ANO3: variants seen among roughly 807,000 people sequenced by gnomAD.
ANO3 encodes the protein anoctamin-3.
A neutral mutation model predicts 144.8 loss-of-function variants in ANO3; 99 were observed. That is an observed-to-expected ratio of 0.68 (90% CI 0.58 to 0.81). ANO3 has a LOEUF of 0.81. Among genes scored for constraint, ANO3 ranks in the 30% least tolerant of loss-of-function variants. ANO3 has a pLI of 0.00. For missense variants in ANO3, 905 were observed against 1,202.2 expected (o/e 0.75, Z 3.66); for synonymous variants, 414 against 392.6 (o/e 1.05, Z -0.64).
At chr11:26,562,543 A>T (rs376256) in intron 14 of ANO3, among the ~76,000 whole-genome samples, 111,341 of 151,758 alleles carry the variant, frequency 0.73, 41,110 homozygotes, top group Admixed American at 0.8. Context: ...CATATTTCTC[A>T]TTCATAGATA....
chr11:26,589,413 C>CT (rs11423756), intron 14 of ANO3, among the ~76,000 whole-genome samples: 38,939 of 137,520 alleles, frequency 0.28, 5,229 homozygotes, highest in East Asian at 0.36. Context: ...CCCCAATTTT[C>CT]TTTTTTTTTT....
At chr11:26,231,759 G>A (rs61877703) in intron 1 of ANO3, among the ~76,000 whole-genome samples, 119 of 152,312 alleles carry the variant, frequency 7.8e-4, no homozygotes, top group Non-Finnish European at 1.5e-3. Flanking sequence ...CAAGGAATGC[G>A]TCTACGAATG....
chr11:26,295,617 A>C (rs1854071789), intron 1 of ANO3, among the ~76,000 whole-genome samples: 1 of 152,142 alleles, frequency 6.6e-6, no homozygotes, highest in Non-Finnish European at 1.5e-5. Flanking sequence ...GTAGCCAAAA[A>C]AGTTATTAAT....
chr11:26,464,416 G>A (rs1859525013), intron 4 of ANO3, among the ~76,000 whole-genome samples: 1 of 151,782 alleles, frequency 6.6e-6, no homozygotes, highest in African/African-American at 2.4e-5. Context: ...AAATTAAGAT[G>A]TTGTTTCTTA....
intron 12 of ANO3, among the ~76,000 whole-genome samples, chr11:26,552,799 G>A (rs1849968933): frequency 6.6e-6 from 1 of 152,034 alleles, no homozygotes; most frequent in South Asian, 2.1e-4. Flanking sequence ...TGAACATTCT[G>A]CACCAACAAT....
In ANO3 at chr11:26,508,122, G is replaced by A; in HGVS notation, c.451G>A (p.Ala151Thr). The part of the protein sequence containing the change: ...KLSKNDMNYI[A>T]SSGPLFKDGK... The stretch of plus-strand genomic sequence containing the variant: ...TTTGCAGAATGACATGAATTACATA[G>A]CATCCAGTGGACCTCTGTTCAAAGA... Residue 151 changes from alanine (A) to threonine (T), a missense_variant, in exon 5 of 27, where the codon GCA becomes ACA. Transcript: ENST00000256737. 6.3e-7 allele frequency: 1 copy of A among 1,587,306 alleles called. No homozygotes were observed. The highest frequency in any genetic ancestry group is 8.5e-7 in the Non-Finnish European group (1 of 1,171,300).
chr11:26,228,898 A>G (rs142845592), intron 1 of ANO3, among the ~76,000 whole-genome samples: 2 of 152,300 alleles, frequency 1.3e-5, no homozygotes, highest in Non-Finnish European at 2.9e-5. Context: ...AAATTGTCAA[A>G]CTTGGTTGGT....
At chr11:26,476,436 G>A (rs1156341944) in intron 4 of ANO3, among the ~76,000 whole-genome samples, 10 of 151,966 alleles carry the variant, frequency 6.6e-5, no homozygotes, top group African/African-American at 2.2e-4. Context: ...GCCCTGGTGT[G>A]GAAAGTATCC....
At position 26,366,914 on chromosome 11, in the gene ANO3, G is replaced by C. The variant is rs1297457818; in HGVS notation, c.46+34593G>C. Among the ~76,000 whole-genome samples the C allele has an allele frequency of 4.6e-5, 7 of 151,956 alleles. No homozygotes were observed. In the East Asian group the frequency reaches 1.2e-3, roughly 25 times the overall value. ...GATGAGTAGGTTGCAAAAATTTATA[G>C]ACCAATGGAACAGAACAGAGCCCTC... On this transcript the variant is annotated intron_variant, in intron 1 of 26. Transcript: ENST00000256737.
At chr11:26,462,580 TCA>T in intron 3 of ANO3, among the ~76,000 whole-genome samples, 1 of 151,962 alleles carries the variant, frequency 6.6e-6, no homozygotes, top group Non-Finnish European at 1.5e-5. Flanking sequence ...CTACTATTTC[TCA>T]GACTTTTTGC....
chr11:26,461,058 T>C (rs1469531375), intron 3 of ANO3, among the ~76,000 whole-genome samples: 1 of 151,324 alleles, frequency 6.6e-6, no homozygotes, highest in Non-Finnish European at 1.5e-5. Context: ...TAATAACCAA[T>C]GGTGAAAATG....
At chr11:26,279,446 A>T (rs1312050855) in intron 1 of ANO3, among the ~76,000 whole-genome samples, 1 of 152,212 alleles carries the variant, frequency 6.6e-6, no homozygotes, top group Admixed American at 6.6e-5. Context: ...CATGTATATG[A>T]AAAAGATTTC....
intron 17 of ANO3, among the ~76,000 whole-genome samples, chr11:26,615,568 T>G (rs1852234714): frequency 6.6e-6 from 1 of 151,986 alleles, no homozygotes; most frequent in South Asian, 2.1e-4. Flanking sequence ...ATGAGGGACA[T>G]AAAAATAACA....
intron 1 of ANO3, among the ~76,000 whole-genome samples, chr11:26,202,503 T>A (rs1851716597): frequency 6.6e-6 from 1 of 151,436 alleles, no homozygotes; most frequent in South Asian, 2.1e-4. Context: ...TATAGTAAAT[T>A]TGTGAATGAT....
intron 1 of ANO3, among the ~76,000 whole-genome samples, chr11:26,404,382 T>A (rs1857224047): frequency 6.6e-6 from 1 of 151,836 alleles, no homozygotes; most frequent in Non-Finnish European, 1.5e-5. Context: ...ATTCACAAAG[T>A]CTAATCACTT....
intron 17 of ANO3, among the ~76,000 whole-genome samples, chr11:26,618,739 C>G (rs996504303): frequency 6.6e-6 from 1 of 152,134 alleles, no homozygotes; most frequent in Non-Finnish European, 1.5e-5. Flanking sequence ...TTGCTTGTCC[C>G]CCAGGGAACT....
Position 26,405,071 on chromosome 11 carries a change from T to C in ANO3, c.47-36847T>C, listed in dbSNP as rs1857245905. On this transcript the variant is annotated intron_variant, in intron 1 of 26. Coordinates refer to ENST00000256737, the MANE Select transcript of ANO3 (RefSeq NM_031418.4). ...TTATATGGTACTGCCTAATAAATAG[T>C]GTTTGCCTCACAATAGCCATTTAAA... Among the ~76,000 whole-genome samples, 3 of 151,614 alleles carry C rather than the reference T, an allele frequency of 2.0e-5. No individual in the cohort carries two copies. The Admixed American group carries it at 2.0e-4, about 10-fold the overall frequency.
intron 1 of ANO3, among the ~76,000 whole-genome samples, chr11:26,434,776 G>A (rs7950347): frequency 0.95 from 145,098 of 152,224 alleles, 69,311 homozygotes; most frequent in East Asian, 1. Flanking sequence ...TTATTGTGCT[G>A]TGACCCAAGA....
At chr11:26,258,728 C>T (rs537163868) in intron 1 of ANO3, among the ~76,000 whole-genome samples, 220 of 152,284 alleles carry the variant, frequency 1.4e-3, no homozygotes, top group African/African-American at 4.9e-3. Context: ...TTAAACACTG[C>T]ATTCATATTA....
Sources: allele counts gnomAD v4.1 joint callset (sites outside exome capture counted in the v4.1 genomes callset), GRCh38; gene constraint gnomAD v4.1.1; transcripts MANE v1.5; gene names NCBI Gene and HGNC (gene_info 2026-07-23, HGNC 2026-07-21).